The following PEPD variants were observed in gnomAD, a reference collection of about 807,000 sequenced individuals.
PEPD encodes peptidase D.
A neutral mutation model predicts 60.7 loss-of-function variants in PEPD; 53 were observed. That is an observed-to-expected ratio of 0.87 (90% CI 0.70 to 1.10). The LOEUF (loss-of-function observed/expected upper bound fraction) is 1.10, where lower values mean the gene tolerates loss of function less well. PEPD is among the 50% of genes least tolerant of loss of function. PEPD has a pLI of 0.00. For synonymous variants in PEPD, 267 were observed against 284.1 expected, an observed-to-expected ratio of 0.94 and a Z score of 0.60; for missense variants, 711 against 711.9, an observed-to-expected ratio of 1.00 and a Z score of 0.01.
chr19:33,488,398 T>C (rs1426004182), intron 6 of PEPD, among the ~76,000 whole-genome samples: 1 of 151,850 alleles, frequency 6.6e-6, no homozygotes, highest in Non-Finnish European at 1.5e-5. Flanking sequence ...ACAGAGGCCA[T>C]AGAGAGGTTC....
At chr19:33,425,533 C>T (rs191902717) in intron 9 of PEPD, among the ~76,000 whole-genome samples, 101 of 152,228 alleles carry the variant, frequency 6.6e-4, no homozygotes, top group African/African-American at 2.3e-3. Flanking sequence ...AAGCACAATA[C>T]GAGTCCACGG....
At chr19:33,506,449 ACT>A (rs1222780262) in intron 3 of PEPD, among the ~76,000 whole-genome samples, 1 of 141,238 alleles carries the variant, frequency 7.1e-6, no homozygotes, top group East Asian at 2.2e-4. Context: ...CACACAACAC[ACT>A]CACACCCACC....
At chr19:33,440,042 T>A (rs970602060) in intron 9 of PEPD, among the ~76,000 whole-genome samples, 1 of 152,156 alleles carries the variant, frequency 6.6e-6, no homozygotes, top group Non-Finnish European at 1.5e-5. Context: ...GATTTGACAC[T>A]GGCTTTTCCT....
Position 33,441,622 on chromosome 19 carries a change from C to T in PEPD, c.671+21373G>A, listed in dbSNP as rs149989193. ...ACTCAGGAGCATTTATGAGCGCCTG[C>T]TGTATGCCTGACTCTGCCACAGAGA... On this transcript the variant is annotated intron_variant, in intron 9 of 14. Coordinates refer to ENST00000244137, the MANE Select transcript of PEPD (RefSeq NM_000285.4). Among the ~76,000 whole-genome samples, 269 of 152,280 alleles carry T rather than the reference C, an allele frequency of 1.8e-3. 1 individual carries two copies. Among genetic ancestry groups the T allele is most frequent in the Admixed American group, 4.1e-3 (62 of 15,306 alleles).
Position 33,387,165 on chromosome 19 carries a change from G to A in PEPD, c.*179C>T. On this transcript the variant is annotated 3_prime_UTR_variant, in exon 15 of 15. Transcript: ENST00000244137. ...ATTAAAGGTGGGAGCCTGCAAAAGG[G>A]TAATTAAAAAAGTGTTTCCTCCCCG... 3 of 653,182 alleles carry A rather than the reference G, an allele frequency of 4.6e-6. No individual in the cohort carries two copies. The highest frequency in any genetic ancestry group is 5.4e-5 in the East Asian group (2 of 37,208). 40.5% of individuals were successfully genotyped at this position (653,182 alleles called of 1,614,324 possible).
chr19:33,411,434 G>A (rs919753062), intron 11 of PEPD, among the ~76,000 whole-genome samples: 2 of 152,218 alleles, frequency 1.3e-5, no homozygotes, highest in Admixed American at 1.3e-4. Flanking sequence ...ACCATCGGGG[G>A]CCCCTCTCCT....
chr19:33,491,696 G>C (rs1454936253), intron 5 of PEPD, among the ~76,000 whole-genome samples: 3 of 152,104 alleles, frequency 2.0e-5, no homozygotes, highest in African/African-American at 7.2e-5. Context: ...TAGCAACTTA[G>C]AACTTTTTAA....
Position 33,499,312 on chromosome 19 carries a change from G to A in PEPD, c.393+1626C>T, listed in dbSNP as rs111318258. On this transcript the variant is annotated intron_variant, in intron 4 of 14. Transcript: ENST00000244137. Reference sequence around the variant, plus strand: ...GTCCAACCAGGCAGAAGATGCTGTAGAGACAGGCCCCCGTGGCCCTGTAGA... The same window carrying A: ...GTCCAACCAGGCAGAAGATGCTGTAAAGACAGGCCCCCGTGGCCCTGTAGA... 3.2e-3 allele frequency among the ~76,000 whole-genome samples: 484 copies of A among 152,264 alleles called. 4 individuals are homozygous for A. Among genetic ancestry groups the A allele is most frequent in the African/African-American group, 0.011 (456 of 41,570 alleles).
At chr19:33,483,930 C>G (rs56958062) in intron 6 of PEPD, among the ~76,000 whole-genome samples, 1 of 152,168 alleles carries the variant, frequency 6.6e-6, no homozygotes, top group South Asian at 2.1e-4. Flanking sequence ...CAGCCAGGGA[C>G]CCTCCATGGC....
intron 6 of PEPD, among the ~76,000 whole-genome samples, chr19:33,485,886 G>A (rs937976930): frequency 6.6e-6 from 1 of 151,574 alleles, no homozygotes; most frequent in African/African-American, 2.4e-5. Context: ...CCTGTCACTC[G>A]CTGCCCCGGC....
chr19:33,521,546 A>G lies in PEPD; in HGVS notation c.17+198T>C, dbSNP rs575477348. Among the ~76,000 whole-genome samples the G allele has an allele frequency of 2.5e-4, 38 of 152,294 alleles. No homozygotes were observed. The South Asian group carries it at 7.7e-3, about 31-fold the overall frequency. ...GCCGGAGCCAGCCAGGAGGGTGGAG[A>G]GGAGCTGCGGCCCCCGCGCTGACCC... On this transcript the variant is annotated intron_variant, in intron 1 of 14. Transcript: ENST00000244137.
At chr19:33,404,229 T>C (rs915484834) in intron 11 of PEPD, among the ~76,000 whole-genome samples, 9 of 152,192 alleles carry the variant, frequency 5.9e-5, no homozygotes, top group African/African-American at 2.2e-4. Context: ...CAGCTAAGCA[T>C]TTTCATTTAG....
chr19:33,467,059 A>C (rs993237468), intron 7 of PEPD, among the ~76,000 whole-genome samples: 1 of 151,498 alleles, frequency 6.6e-6, no homozygotes, highest in African/African-American at 2.4e-5. Context: ...CGGGAGGCTG[A>C]GGCAGGAGAA....
intron 9 of PEPD, among the ~76,000 whole-genome samples, chr19:33,433,780 T>C (rs1169694810): frequency 2.6e-5 from 4 of 152,232 alleles, no homozygotes; most frequent in Admixed American, 1.3e-4. Flanking sequence ...ACCGTGTCGG[T>C]CTGTAGCTCT....
intron 9 of PEPD, among the ~76,000 whole-genome samples, chr19:33,457,356 G>T (rs922443998): frequency 6.6e-6 from 1 of 152,098 alleles, no homozygotes; most frequent in Non-Finnish European, 1.5e-5. Context: ...ACTTGAGCCC[G>T]GGAGGCAGAG....
chr19:33,521,761 G>C lies in PEPD; in HGVS notation c.-1C>G. 1.3e-6 allele frequency: 2 copies of C among 1,577,742 alleles called. No homozygotes were observed. The highest frequency in any genetic ancestry group is 2.3e-5 in the East Asian group (1 of 43,250). On this transcript the variant is annotated 5_prime_UTR_variant, in exon 1 of 15. Transcript: ENST00000244137. ...GCACTCACCCGGTGGCCGCCGCCAT[G>C]TTCGCCCGGCACCGGCGTCACGTGA...
chr19:33,481,648 A>G (rs1335089080), intron 6 of PEPD, among the ~76,000 whole-genome samples: 3 of 152,238 alleles, frequency 2.0e-5, no homozygotes, highest in Non-Finnish European at 4.4e-5. Context: ...CTTCTCATAA[A>G]GAAAAGCCCA....
chr19:33,437,872 CATT>C, intron 9 of PEPD, among the ~76,000 whole-genome samples: 1 of 152,310 alleles, frequency 6.6e-6, no homozygotes, highest in South Asian at 2.1e-4. Context: ...CACATAATCT[CATT>C]GTTGGAAGAG....
rs558927760 is a variant in PEPD at position 33,517,653 on chromosome 19, GAAAGATCTCTGCAC to G, written c.17+4077_17+4090del. Among the ~76,000 whole-genome samples the G allele has an allele frequency of 2.1e-4, 32 of 151,866 alleles. No individual in the cohort carries two copies. The South Asian group carries it at 6.5e-3, about 31-fold the overall frequency. The stretch of plus-strand genomic sequence containing the variant: ...CCGTGGGGTCTACCGCACAGACAAG[GAAAGATCTCTGCAC>G]TAGAATGTGGAGCCACTGGCCAGGT... On this transcript the variant is annotated intron_variant, in intron 1 of 14. Transcript: ENST00000244137.
Sources: allele counts gnomAD v4.1 joint callset (sites outside exome capture counted in the v4.1 genomes callset), GRCh38; gene constraint gnomAD v4.1.1; transcripts MANE v1.5; gene names NCBI Gene and HGNC (gene_info 2026-07-23, HGNC 2026-07-21).